Variants in CCDC171 observed in about 807,000 individuals in gnomAD.
CCDC171 encodes coiled-coil domain containing 171.
Under a neutral mutation model 168.2 loss-of-function variants are expected in CCDC171, and 177 were observed. The observed-to-expected ratio is 1.05, with a 90% CI of 0.93 to 1.19. CCDC171 has a LOEUF of 1.19. Ranked by LOEUF, CCDC171 falls within the 50% of genes most tolerant of loss-of-function variation. The pLI is 0.00. For synonymous variants in CCDC171, 687 were observed against 540.8 expected (o/e 1.27, Z -3.75); for missense variants, 1,991 against 1,539.0 (o/e 1.29, Z -4.91).
chr9:15,652,984 C>G (rs977454205), intron 7 of CCDC171, among the ~76,000 whole-genome samples: 3 of 152,068 alleles, frequency 2.0e-5, no homozygotes, highest in Non-Finnish European at 2.9e-5. Flanking sequence ...AAAAAAGTGA[C>G]TATGTGGGGA....
intron 6 of CCDC171, among the ~76,000 whole-genome samples, chr9:16,033,413 A>G (rs2133044083): frequency 6.6e-6 from 1 of 152,254 alleles, no homozygotes. Context: ...GCGGCATTAG[A>G]TTCTCATAGG....
intron 21 of CCDC171, among the ~76,000 whole-genome samples, chr9:15,822,535 G>T (rs532013693): frequency 6.6e-6 from 1 of 152,170 alleles, no homozygotes; most frequent in East Asian, 1.9e-4. Flanking sequence ...GATATGAACA[G>T]ACACTTCTCA....
At chr9:15,733,838 G>A (rs1509310) in intron 16 of CCDC171, among the ~76,000 whole-genome samples, 71,012 of 151,848 alleles carry the variant, frequency 0.47, 17,080 homozygotes, top group East Asian at 0.75. Context: ...GCACAGTCAC[G>A]GCTCACTGCA....
chr9:15,591,287 A>T (rs2041990329), intron 4 of CCDC171, 79 bp from the exon 5 acceptor site: 1 of 804,594 alleles, frequency 1.2e-6, no homozygotes, highest in Admixed American at 2.8e-5. Context: ...AAATGATGTC[A>T]ACTCCAATGC....
chr9:15,692,737 C>G (rs1164262853), intron 10 of CCDC171, among the ~76,000 whole-genome samples: 1 of 151,686 alleles, frequency 6.6e-6, no homozygotes, highest in Non-Finnish European at 1.5e-5. Context: ...CTGTGTTAGC[C>G]CGTATGATGT....
intron 3 of CCDC171, among the ~76,000 whole-genome samples, chr9:15,574,218 C>T (rs1326884948): frequency 6.6e-6 from 1 of 151,660 alleles, no homozygotes; most frequent in African/African-American, 2.4e-5. Context: ...TATCTTGGCT[C>T]ACTGCAACCT....
intron 1 of CCDC171, among the ~76,000 whole-genome samples, chr9:15,557,178 G>A (rs1209521177): frequency 6.6e-6 from 1 of 152,128 alleles, no homozygotes; most frequent in Non-Finnish European, 1.5e-5. Context: ...GTAGTGTGAT[G>A]CCTCCAGCTT....
intron 24 of CCDC171, among the ~76,000 whole-genome samples, chr9:15,878,892 C>G (rs1003577480): frequency 3.3e-5 from 5 of 152,020 alleles, no homozygotes; most frequent in African/African-American, 1.2e-4. Flanking sequence ...AACCAAACAC[C>G]ACATGTTCTT....
intron 3 of CCDC171, among the ~76,000 whole-genome samples, chr9:16,004,632 G>A (rs1832645985): frequency 6.6e-6 from 1 of 152,172 alleles, no homozygotes; most frequent in Non-Finnish European, 1.5e-5. Context: ...TTCACCGAAT[G>A]CCCCGTCACT....
At chr9:15,792,678 T>G (rs1299773114) in intron 21 of CCDC171, among the ~76,000 whole-genome samples, 1 of 152,036 alleles carries the variant, frequency 6.6e-6, no homozygotes, top group Non-Finnish European at 1.5e-5. Flanking sequence ...TCAACATTCT[T>G]AAAGAAAATA....
chr9:15,603,888 C>G (rs555372469), intron 6 of CCDC171, among the ~76,000 whole-genome samples: 2 of 152,268 alleles, frequency 1.3e-5, no homozygotes, highest in South Asian at 2.1e-4. Context: ...AAGCATTCCT[C>G]TTTCACTGCA....
In CCDC171 at chr9:15,784,500, T is replaced by A. The variant is rs1255971949; in HGVS notation, c.3082-9T>A. 6.3e-7 allele frequency: 1 copy of A among 1,599,532 alleles called. No homozygotes were observed. The highest frequency in any genetic ancestry group is 1.7e-5 in the Admixed American group (1 of 59,450). ...TATAACTGATTCTCCCCTCTCCTCCTTTTTACAGAAATTGATCACCCATGA... is the reference window on the plus strand; with the variant it reads ...TATAACTGATTCTCCCCTCTCCTCCATTTTACAGAAATTGATCACCCATGA... On this transcript the variant is annotated splice_polypyrimidine_tract_variant and intron_variant, in intron 20 of 25. Coordinates refer to ENST00000380701, the MANE Select transcript of CCDC171 (RefSeq NM_173550.4).
intron 24 of CCDC171, among the ~76,000 whole-genome samples, chr9:15,918,999 T>A (rs1824941273): frequency 6.6e-6 from 1 of 151,660 alleles, no homozygotes; most frequent in Non-Finnish European, 1.5e-5. Context: ...ATAGGCAGAG[T>A]ATCTTGCCTT....
At chr9:16,065,699 G>C (rs780312394), downstream of CCDC171, among the ~76,000 whole-genome samples, 40 of 152,072 alleles carry the variant, frequency 2.6e-4, no homozygotes, top group Non-Finnish European at 5.1e-4. Flanking sequence ...CCAAAATCAT[G>C]GGCCACTTGT....
chr9:16,083,001 T>C, the CCDC171 span, among the ~76,000 whole-genome samples: 1 of 152,214 alleles, frequency 6.6e-6, no homozygotes, highest in Admixed American at 6.5e-5. Flanking sequence ...GTAATGGCAA[T>C]GGTGTATGGT....
At chr9:15,604,836 A>G (rs2131719576) in intron 6 of CCDC171, among the ~76,000 whole-genome samples, 1 of 152,360 alleles carries the variant, frequency 6.6e-6, no homozygotes, top group African/African-American at 2.4e-5. Context: ...ACGTAACAGA[A>G]TAGTATGCAA....
chr9:15,696,935 G>T (rs1038360496), intron 11 of CCDC171, among the ~76,000 whole-genome samples: 2 of 152,036 alleles, frequency 1.3e-5, no homozygotes, highest in East Asian at 3.9e-4. Flanking sequence ...AGTGATTTTT[G>T]GATTGTTACA....
chr9:15,601,075 G>C (rs563417344), intron 6 of CCDC171, among the ~76,000 whole-genome samples: 2 of 152,168 alleles, frequency 1.3e-5, no homozygotes, highest in African/African-American at 2.4e-5. Context: ...CTGACCCCTT[G>C]TGCCTCCTGG....
chr9:15,591,682 T>G (rs1341873443), intron 5 of CCDC171, 126 bp downstream of exon 5: 7 of 616,000 alleles, frequency 1.1e-5, no homozygotes, highest in African/African-American at 1.9e-5. Context: ...CTCCCTCCCA[T>G]TTTTTCTTTT....
Sources: allele counts gnomAD v4.1 joint callset (sites outside exome capture counted in the v4.1 genomes callset), GRCh38; gene constraint gnomAD v4.1.1; transcripts MANE v1.5; gene names NCBI Gene and HGNC (gene_info 2026-07-23, HGNC 2026-07-21).